The following ZFAT variants were observed in gnomAD, a reference collection of about 807,000 sequenced individuals.
ZFAT encodes the protein zinc finger and AT-hook domain containing.
In ZFAT, 64 loss-of-function variants were observed where a neutral mutation model predicts 117.7. The ratio of observed to expected loss-of-function variants is 0.54; its 90% confidence interval spans 0.44 to 0.67. The LOEUF is 0.67. ZFAT is among the 30% of genes least tolerant of loss of function. The pLI, the probability that ZFAT is intolerant of heterozygous loss-of-function variation, is 0.00. For missense variants in ZFAT, 1,433 were observed against 1,584.5 expected (o/e 0.90, Z 1.62); for synonymous variants, 679 against 615.0 (o/e 1.10, Z -1.54).
chr8:134,745,941 T>C, the ZFAT span, among the ~76,000 whole-genome samples: 2 of 152,190 alleles, frequency 1.3e-5, no homozygotes, highest in African/African-American at 4.8e-5. Context: ...CCTTTGCTGG[T>C]TACCATTTAT....
chr8:134,537,526 G>A (rs571566724), intron 11 of ZFAT, among the ~76,000 whole-genome samples: 4 of 152,298 alleles, frequency 2.6e-5, no homozygotes, highest in East Asian at 1.9e-4. Flanking sequence ...GGACTTGGCA[G>A]GGGAGAAGAC....
chr8:134,695,317 C>T (rs1371138153), intron 1 of ZFAT, among the ~76,000 whole-genome samples: 2 of 152,216 alleles, frequency 1.3e-5, no homozygotes, highest in Non-Finnish European at 2.9e-5. Flanking sequence ...ACCCCTTGCT[C>T]TCTCCATCTT....
At chr8:134,797,392 A>C in the ZFAT span, 1 of 152,094 alleles carries the variant, frequency 6.6e-6, no homozygotes, top group Non-Finnish European at 1.5e-5. Flanking sequence ...CCCTACCCCC[A>C]GGGAATTTGA....
At chr8:134,771,938 G>A in the ZFAT span, among the ~76,000 whole-genome samples, 1 of 152,188 alleles carries the variant, frequency 6.6e-6, no homozygotes, top group African/African-American at 2.4e-5. Context: ...AGTTTGTTCA[G>A]TGAAACTCCC....
intron 15 of ZFAT, among the ~76,000 whole-genome samples, chr8:134,485,728 C>T (rs1214602247): frequency 6.6e-6 from 1 of 150,784 alleles, no homozygotes. Flanking sequence ...CCCCAGGACA[C>T]ATTCAAGGAC....
intron 1 of ZFAT, among the ~76,000 whole-genome samples, chr8:134,710,362 T>C (rs1813948529): frequency 6.6e-6 from 1 of 152,234 alleles, no homozygotes; most frequent in African/African-American, 2.4e-5. Context: ...CTGGTGCACC[T>C]GTCTCCAATG....
chr8:134,778,955 G>T, the ZFAT span, among the ~76,000 whole-genome samples: 12 of 152,268 alleles, frequency 7.9e-5, no homozygotes, highest in African/African-American at 2.6e-4. Flanking sequence ...TGTGCCTCAG[G>T]TGCTAAAAGG....
chr8:134,657,235 G>C (rs1780795073), intron 2 of ZFAT, among the ~76,000 whole-genome samples: 1 of 152,168 alleles, frequency 6.6e-6, no homozygotes, highest in Admixed American at 6.5e-5. Context: ...GCTTGGAGAA[G>C]TAACATCATT....
At chr8:134,526,332 T>C (rs1434155129) in intron 12 of ZFAT, among the ~76,000 whole-genome samples, 2 of 152,210 alleles carry the variant, frequency 1.3e-5, no homozygotes, top group African/African-American at 2.4e-5. Flanking sequence ...CTAGACTGAA[T>C]GTATAACTAT....
At chr8:134,771,922 A>G in the ZFAT span, among the ~76,000 whole-genome samples, 1 of 152,228 alleles carries the variant, frequency 6.6e-6, no homozygotes, top group African/African-American at 2.4e-5. Context: ...AGGCAGGCAA[A>G]GAGAGAGTTT....
At chr8:134,502,224 A>T (rs1343971163) in intron 15 of ZFAT, among the ~76,000 whole-genome samples, 1 of 152,212 alleles carries the variant, frequency 6.6e-6, no homozygotes, top group African/African-American at 2.4e-5. Context: ...CCCACAGGGC[A>T]CCAGGCTTCT....
intron 10 of ZFAT, among the ~76,000 whole-genome samples, chr8:134,576,220 T>G (rs1459163864): frequency 6.6e-6 from 1 of 152,240 alleles, no homozygotes; most frequent in African/African-American, 2.4e-5. Flanking sequence ...CTCAGTAAGC[T>G]GCGTAGTTCA....
At chr8:134,584,047 C>A in intron 9 of ZFAT, 42 bp from the exon 10 acceptor site, 2 of 1,517,266 alleles carry the variant, frequency 1.3e-6, no homozygotes, top group African/African-American at 1.4e-5. Flanking sequence ...TATTTACATA[C>A]GTTTATGCAT....
chr8:134,818,994 T>C, the ZFAT span, among the ~76,000 whole-genome samples: 1 of 152,204 alleles, frequency 6.6e-6, no homozygotes, highest in Non-Finnish European at 1.5e-5. Context: ...GGTGATGGTC[T>C]CATGGATAAA....
chr8:134,519,124 T>C (rs1029457016), intron 13 of ZFAT, among the ~76,000 whole-genome samples: 1 of 152,198 alleles, frequency 6.6e-6, no homozygotes, highest in Non-Finnish European at 1.5e-5. Context: ...CCAAATGAAC[T>C]TTAGAAATCA....
At chr8:134,576,148 G>A (rs1016401789) in intron 10 of ZFAT, among the ~76,000 whole-genome samples, 2 of 152,204 alleles carry the variant, frequency 1.3e-5, no homozygotes, top group African/African-American at 4.8e-5. Flanking sequence ...TCTACCTGGT[G>A]AGGTTTTAGG....
intron 3 of ZFAT, among the ~76,000 whole-genome samples, chr8:134,629,028 G>A (rs917819326): frequency 2.6e-5 from 4 of 152,168 alleles, no homozygotes; most frequent in Admixed American, 2.6e-4. Context: ...TAGGCAGACT[G>A]GAGCTGTCAC....
chr8:134,775,748 G>A, the ZFAT span, among the ~76,000 whole-genome samples: 1 of 151,946 alleles, frequency 6.6e-6, no homozygotes, highest in South Asian at 2.1e-4. Context: ...AGGTTTTTTG[G>A]TTGTCTTATG....
intron 11 of ZFAT, among the ~76,000 whole-genome samples, chr8:134,544,675 A>G (rs1822557022): frequency 6.6e-6 from 1 of 152,166 alleles, no homozygotes; most frequent in Non-Finnish European, 1.5e-5. Context: ...GAGGGAGGGA[A>G]GGATAGTAAA....
Sources: allele counts gnomAD v4.1 joint callset (sites outside exome capture counted in the v4.1 genomes callset), GRCh38; gene constraint gnomAD v4.1.1; transcripts MANE v1.5; gene names NCBI Gene and HGNC (gene_info 2026-07-23, HGNC 2026-07-21).